The following MPG variants were observed in gnomAD, a reference collection of about 807,000 sequenced individuals.
MPG encodes the protein N-methylpurine DNA glycosylase, also known as DNA-3-methyladenine glycosylase.
In MPG, 33 loss-of-function variants were observed where a neutral mutation model predicts 31.7. The ratio of observed to expected loss-of-function variants is 1.04; its 90% CI spans 0.79 to 1.39. MPG has a LOEUF of 1.39. MPG is among the 40% of genes most tolerant of loss of function. The pLI is 0.00. For synonymous variants in MPG, 202 were observed against 169.2 expected, an observed-to-expected ratio of 1.19 and a Z score of -1.51; for missense variants, 455 against 415.5, an observed-to-expected ratio of 1.10 and a Z score of -0.83.
In MPG at chr16:79,534, A is replaced by C; in HGVS notation, c.134A>C (p.Asp45Ala). 1 of 1,612,900 alleles carries C rather than the reference A, an allele frequency of 6.2e-7. No individual in the cohort carries two copies. Among genetic ancestry groups the C allele is most frequent in the Non-Finnish European group, 8.5e-7 (1 of 1,179,930 alleles). Residue 45 changes from aspartate (D) to alanine (A), a missense_variant, in exon 2 of 4, where the codon GAT becomes GCT. Coordinates refer to ENST00000356432, the MANE Select transcript of MPG (RefSeq NM_001015052.3). ...APAEQPHSSSDAAQAPCPRER... is the reference protein window; with the variant it reads ...APAEQPHSSSAAAQAPCPRER... The stretch of plus-strand genomic sequence containing the variant: ...GCAGAGCAGCCACACAGCTCGTCCG[A>C]TGCAGCCCAGGCACCTTGCCCCAGG...
rs1425283996 is a variant in MPG at position 81,258 on chromosome 16, C to T, written c.300+1558C>T. Among the ~76,000 whole-genome samples, 10 of 152,256 alleles carry T rather than the reference C, an allele frequency of 6.6e-5. No homozygotes were observed. The East Asian group carries it at 1.3e-3, about 21-fold the overall frequency. On this transcript the variant is annotated intron_variant, in intron 2 of 3. Coordinates refer to ENST00000356432, the MANE Select transcript of MPG (RefSeq NM_001015052.3). ...CATGGGGGTGGGGAGGGGTGAGAGG[C>T]CCCAGTATCTGCCACTGGTGGAAAT...
At chr16:79,239 T>C in intron 1 of MPG, 186 bp from the exon 2 acceptor site, 6 of 1,552,406 alleles carry the variant, frequency 3.9e-6, no homozygotes, top group Non-Finnish European at 5.2e-6. Flanking sequence ...GACGTGATCA[T>C]TTCCTGAGGC....
chr16:81,088 C>A (rs899721247), intron 2 of MPG, among the ~76,000 whole-genome samples: 1 of 152,166 alleles, frequency 6.6e-6, no homozygotes, highest in South Asian at 2.1e-4. Flanking sequence ...CTTGCAGACC[C>A]CTCAGCCAGG....
rs546761462 is a variant in MPG at position 81,773 on chromosome 16, C to T, written c.301-1279C>T. 4.6e-5 allele frequency among the ~76,000 whole-genome samples: 3 copies of T among 64,870 alleles called. No homozygotes were observed. In the East Asian group the frequency reaches 1.1e-3, roughly 23 times the overall value. 42.6% of individuals were successfully genotyped at this position (64,870 alleles called of 152,430 possible). A position where few individuals can be genotyped will look rare whatever the true frequency, so the allele number is the denominator to read the frequency against. The stretch of plus-strand genomic sequence containing the variant: ...CCCCTTCTTCCCACCACCCTACCTC[C>T]GGGAAGCCCTCCTGAATGCTCCCGG... On this transcript the variant is annotated intron_variant, in intron 2 of 3. Transcript: ENST00000356432.
chr16:81,511 C>T (rs1484010155), intron 2 of MPG, among the ~76,000 whole-genome samples: 2 of 151,726 alleles, frequency 1.3e-5, no homozygotes, highest in African/African-American at 4.8e-5. Flanking sequence ...CAAGCCTGGC[C>T]TGTTCACTTC....
chr16:79,055 G>T, intron 1 of MPG: 1 of 1,432,236 alleles, frequency 7.0e-7, no homozygotes, highest in South Asian at 1.5e-5. Context: ...CAGCTCAGAC[G>T]TTTGCTTGGG....
intron 1 of MPG, 87 bp downstream of exon 1, chr16:78,420 G>A (rs987906419): frequency 1.8e-6 from 2 of 1,081,252 alleles, no homozygotes; most frequent in Non-Finnish European, 2.3e-6. Flanking sequence ...CGGGAGTGCC[G>A]GGGACGGGCG....
At chr16:82,376 G>A (rs1021864841) in intron 2 of MPG, among the ~76,000 whole-genome samples, 2 of 152,210 alleles carry the variant, frequency 1.3e-5, no homozygotes, top group African/African-American at 2.4e-5. Flanking sequence ...GACCTATCTG[G>A]CCTAAAAACG....
chr16:80,540 G>A (rs532727733), intron 2 of MPG, among the ~76,000 whole-genome samples: 9 of 152,272 alleles, frequency 5.9e-5, no homozygotes, highest in African/African-American at 2.2e-4. Flanking sequence ...GCCAGGTGTG[G>A]TGGCTCATGC....
intron 1 of MPG, chr16:79,182 TG>T: frequency 6.5e-7 from 1 of 1,543,986 alleles, no homozygotes; most frequent in East Asian, 2.5e-5. Flanking sequence ...CGCACATATG[TG>T]GGGCAGAGCA....
At position 85,114 on chromosome 16, in the gene MPG, G is replaced by A. The variant is rs115744373; in HGVS notation, c.506-287G>A. 2.9e-3 allele frequency among the ~76,000 whole-genome samples: 440 copies of A among 152,370 alleles called. 4 individuals are homozygous for A. The highest frequency in any genetic ancestry group is 0.01 in the African/African-American group (428 of 41,590). On this transcript the variant is annotated intron_variant, in intron 3 of 3. Transcript: ENST00000356432. ...CTGGCTTTGTGGGGGCGGCCACAGT[G>A]GGGGAGGCCCTGCCTGGTGGTGGAA...
In MPG at chr16:78,283, C is replaced by T; in HGVS notation, c.-27C>T. 10 of 1,368,364 alleles carry T rather than the reference C, an allele frequency of 7.3e-6. No homozygotes were observed. The highest frequency in any genetic ancestry group is 9.5e-6 in the Non-Finnish European group (10 of 1,056,564). The allele number at this position is 1,368,364 out of a possible 1,614,324, so 84.8% of individuals were successfully genotyped here. ...TGGGCTCCGCGCCGGGGTCCGAGTCCCACGAAGCCCCGGCCCGAGCCGCCG... is the reference window on the plus strand; with the variant it reads ...TGGGCTCCGCGCCGGGGTCCGAGTCTCACGAAGCCCCGGCCCGAGCCGCCG... On this transcript the variant is annotated 5_prime_UTR_variant, in exon 1 of 4. Coordinates refer to ENST00000356432, the MANE Select transcript of MPG (RefSeq NM_001015052.3).
At chr16:78,920 G>A (rs927548178) in intron 1 of MPG, among the ~76,000 whole-genome samples, 3 of 152,202 alleles carry the variant, frequency 2.0e-5, no homozygotes, top group African/African-American at 7.2e-5. Flanking sequence ...GGACAGTTAG[G>A]GACCCTGAGC....
At chr16:85,275 G>A (rs1215970410) in intron 3 of MPG, 126 bp from the exon 4 acceptor site, 10 of 1,147,440 alleles carry the variant, frequency 8.7e-6, no homozygotes, top group Admixed American at 2.3e-5. Context: ...GGTGCACAGA[G>A]CAGGTCCCTG....
chr16:83,389 G>A (rs759940665), intron 3 of MPG, 133 bp downstream of exon 3: 18 of 921,470 alleles, frequency 2.0e-5, no homozygotes, highest in Middle Eastern at 2.2e-4. Flanking sequence ...CCAGGCCAGG[G>A]TTTCGGGAGC....
rs926763820 is a variant in MPG at position 79,129 on chromosome 16, T to C, written c.25-296T>C. ...GCTGTCCCAGGCTCAGGCCCCCATCTGCTCCCCAGGTCATGCAGCCTGGGC... is the reference window on the plus strand; with the variant it reads ...GCTGTCCCAGGCTCAGGCCCCCATCCGCTCCCCAGGTCATGCAGCCTGGGC... On this transcript the variant is annotated intron_variant, in intron 1 of 3. Transcript: ENST00000356432. 1.6e-4 allele frequency: 235 copies of C among 1,486,148 alleles called. 2 individuals are homozygous for C. The highest frequency in any genetic ancestry group is 1.8e-4 in the Non-Finnish European group (204 of 1,117,696). 92.1% of individuals were successfully genotyped at this position (1,486,148 alleles called of 1,614,324 possible).
At chr16:80,938 A>T (rs1898221795) in intron 2 of MPG, among the ~76,000 whole-genome samples, 1 of 152,246 alleles carries the variant, frequency 6.6e-6, no homozygotes, top group South Asian at 2.1e-4. Flanking sequence ...TCTATTCAGC[A>T]TCCTTGTCAG....
At chr16:82,985 C>CTG in intron 2 of MPG, 67 bp from the exon 3 acceptor site, 1 of 1,404,790 alleles carries the variant, frequency 7.1e-7, no homozygotes, top group South Asian at 1.3e-5. Flanking sequence ...GAGGTCCAGG[C>CTG]TGGGCACTGT....
In MPG at chr16:79,562, G is replaced by GCGCTGCTTGGGAC. The variant is rs1449888709; in HGVS notation, c.166_178dup (p.Pro60LeufsTer53). 3.7e-6 allele frequency: 6 copies of GCGCTGCTTGGGAC among 1,612,598 alleles called. No homozygotes were observed. The South Asian group carries it at 6.6e-5, about 18-fold the overall frequency. ...CAGCCCAGGCACCTTGCCCCAGGGAGCGCTGCTTGGGACCGCCCACCACTC... is the reference window on the plus strand; with the variant it reads ...CAGCCCAGGCACCTTGCCCCAGGGAGCGCTGCTTGGGACCGCTGCTTGGGACCGCCCACCACTC... On this transcript the variant is annotated frameshift_variant, in exon 2 of 4. Coordinates refer to ENST00000356432, the MANE Select transcript of MPG (RefSeq NM_001015052.3). LOFTEE classifies it high-confidence loss of function.
Sources: gnomAD v4.1 joint callset for allele counts (sites outside exome capture counted in the v4.1 genomes callset) on GRCh38, gnomAD v4.1.1 for gene constraint, MANE v1.5 for transcripts, NCBI Gene and HGNC (gene_info 2026-07-23, HGNC 2026-07-21) for gene names.